TMEM217: variants seen among roughly 807,000 people sequenced by gnomAD.
TMEM217 encodes the protein chromosome 6 open reading frame 128.
For synonymous variants in TMEM217, 76 were observed against 88.3 expected, an observed-to-expected ratio of 0.86 and a Z score of 0.78; for missense variants, 204 against 248.8, an observed-to-expected ratio of 0.82 and a Z score of 1.21.
At chr6:37,246,373 A>G (rs867230764) in intron 1 of TMEM217, among the ~76,000 whole-genome samples, 1 of 152,144 alleles carries the variant, frequency 6.6e-6, no homozygotes, top group African/African-American at 2.4e-5. Flanking sequence ...TCCCCAGGGC[A>G]TGCTCTTCTC....
In TMEM217 at chr6:37,218,704, G is replaced by A. The variant is rs149247937; in HGVS notation, c.327C>T (p.Val109=). 1,996 of 1,614,090 alleles carry A rather than the reference G, an allele frequency of 1.2e-3. 19 individuals are homozygous for A. The highest frequency in any genetic ancestry group is 6.7e-3 in the South Asian group (607 of 91,080). ...CATTGTTGGTGAGGATTTGTATTAC[G>A]ACGTTTGCAGTTTCATAGAAAAAAA... Residue 109 remains valine (V), a synonymous_variant, in exon 2 of 2, where the codon GTC becomes GTT. Transcript: ENST00000357219.
intron 1 of TMEM217, among the ~76,000 whole-genome samples, chr6:37,248,293 G>T (rs966803820): frequency 1.3e-5 from 2 of 152,074 alleles, no homozygotes; most frequent in South Asian, 4.1e-4. Flanking sequence ...TTTAGTGCCA[G>T]GAATACAGTA....
At chr6:37,229,006 AC>A (rs1764018273) in intron 1 of TMEM217, among the ~76,000 whole-genome samples, 1 of 152,058 alleles carries the variant, frequency 6.6e-6, no homozygotes, top group Admixed American at 6.6e-5. Context: ...CAAAAAAAAA[AC>A]AAAAAACAAA....
chr6:37,237,553 C>A (rs1277192081), intron 1 of TMEM217, among the ~76,000 whole-genome samples: 1 of 152,126 alleles, frequency 6.6e-6, no homozygotes, highest in African/African-American at 2.4e-5. Context: ...GAATCATATG[C>A]AAAGCTTGAA....
At chr6:37,252,145 G>A (rs912677187) in intron 1 of TMEM217, among the ~76,000 whole-genome samples, 5 of 152,112 alleles carry the variant, frequency 3.3e-5, no homozygotes, top group Admixed American at 6.5e-5. Context: ...CGCCTGCCTC[G>A]GCCTCCCAAA....
intron 1 of TMEM217, among the ~76,000 whole-genome samples, chr6:37,244,836 T>C (rs773618587): frequency 2.0e-5 from 3 of 152,212 alleles, no homozygotes; most frequent in Non-Finnish European, 2.9e-5. Flanking sequence ...CAACTGTTGG[T>C]TGGCCAGGCA....
At chr6:37,215,038 G>C (rs1184395917), downstream of TMEM217, among the ~76,000 whole-genome samples, 1 of 152,176 alleles carries the variant, frequency 6.6e-6, no homozygotes, top group Non-Finnish European at 1.5e-5. Flanking sequence ...TGAGTTTCAA[G>C]GAAATGTCTG....
intron 1 of TMEM217, among the ~76,000 whole-genome samples, chr6:37,238,586 A>G (rs1472097222): frequency 6.6e-6 from 1 of 152,146 alleles, no homozygotes; most frequent in Non-Finnish European, 1.5e-5. Flanking sequence ...AAGATCTAGG[A>G]AGACTTTTGC....
At chr6:37,245,878 C>G (rs898583016) in intron 1 of TMEM217, among the ~76,000 whole-genome samples, 4 of 151,802 alleles carry the variant, frequency 2.6e-5, no homozygotes, top group African/African-American at 9.7e-5. Flanking sequence ...TGGCTCACCG[C>G]AACCTCTGCC....
intron 1 of TMEM217, among the ~76,000 whole-genome samples, chr6:37,250,950 G>A (rs1765366183): frequency 6.6e-6 from 1 of 152,296 alleles, no homozygotes; most frequent in East Asian, 1.9e-4. Flanking sequence ...GGTATTACGC[G>A]GTAAGGTATT....
At chr6:37,218,846 C>T (rs1763368546) in exon 2 of TMEM217, 1 of 1,614,198 alleles carries the variant, frequency 6.2e-7, no homozygotes, top group East Asian at 2.2e-5. Flanking sequence ...AAAACTCCAG[C>T]AGATGATGAA....
chr6:37,233,008 G>C (rs1480741056), intron 1 of TMEM217, among the ~76,000 whole-genome samples: 2 of 152,080 alleles, frequency 1.3e-5, no homozygotes, highest in African/African-American at 2.4e-5. Flanking sequence ...TCTACACTGA[G>C]AACAAATGCA....
intron 1 of TMEM217, among the ~76,000 whole-genome samples, chr6:37,256,968 G>C (rs1765781804): frequency 6.6e-6 from 1 of 152,132 alleles, no homozygotes; most frequent in South Asian, 2.1e-4. Context: ...AAATTCAAGG[G>C]TGCAAGATTT....
chr6:37,257,713 G>C, exon 1 of TMEM217: 1 of 553,518 alleles, frequency 1.8e-6, no homozygotes, highest in Admixed American at 3.6e-5. Flanking sequence ...CCAATTGGTC[G>C]GCCCGTCCAC....
exon 1 of TMEM217, chr6:37,257,738 A>C (rs1024030639): frequency 1.3e-5 from 8 of 633,454 alleles, no homozygotes; most frequent in African/African-American, 1.9e-5. Flanking sequence ...TGCGCAGCTC[A>C]CCAATGGCAG....
chr6:37,214,538 T>C (rs144613522), downstream of TMEM217, among the ~76,000 whole-genome samples: 6 of 152,154 alleles, frequency 3.9e-5, no homozygotes, highest in African/African-American at 1.4e-4. Flanking sequence ...TCTTCAGAAC[T>C]TTTTCATCAT....
At chr6:37,225,840 G>C (rs867933503) in intron 1 of TMEM217, among the ~76,000 whole-genome samples, 1 of 152,318 alleles carries the variant, frequency 6.6e-6, no homozygotes, top group Middle Eastern at 3.4e-3. Context: ...CCACTTTACA[G>C]TCTTGCTCAT....
downstream of TMEM217, chr6:37,215,262 G>C (rs765204028): frequency 6.2e-7 from 1 of 1,613,866 alleles, no homozygotes; most frequent in Admixed American, 1.7e-5. Context: ...AGACAGACAG[G>C]TAAATATGCT....
chr6:37,215,107 C>T, downstream of TMEM217: 4 of 1,536,640 alleles, frequency 2.6e-6, no homozygotes, highest in Non-Finnish European at 3.5e-6. Flanking sequence ...ACCCTCGGCA[C>T]CTCTCTCTTG....
Sources: allele counts gnomAD v4.1 joint callset (sites outside exome capture counted in the v4.1 genomes callset), GRCh38; gene constraint gnomAD v4.1.1; transcripts MANE v1.5; gene names NCBI Gene and HGNC (gene_info 2026-07-23, HGNC 2026-07-21).